Variants in ZNF831 observed in about 807,000 individuals in gnomAD.
The protein encoded by ZNF831 is chromosome 20 open reading frame 174.
A neutral mutation model predicts 95.8 loss-of-function variants in ZNF831; 59 were observed. The ratio of observed to expected loss-of-function variants is 0.62; its 90% CI spans 0.50 to 0.77. ZNF831 has a LOEUF of 0.77. Among genes scored for constraint, ZNF831 ranks in the 30% least tolerant of loss-of-function variants. The pLI is 0.00. For synonymous variants in ZNF831, 961 were observed against 925.5 expected, an observed-to-expected ratio of 1.04 and a Z score of -0.70; for missense variants, 2,205 against 2,164.0, an observed-to-expected ratio of 1.02 and a Z score of -0.38.
chr20:59,182,925 C>G (rs867520666), intron 1 of ZNF831, among the ~76,000 whole-genome samples: 1 of 152,194 alleles, frequency 6.6e-6, no homozygotes, highest in Non-Finnish European at 1.5e-5. Flanking sequence ...CTTCTAGAAT[C>G]TGACAAAAGT....
chr20:59,131,527 G>A (rs1380141705), intron 1 of ZNF831, among the ~76,000 whole-genome samples: 3 of 152,188 alleles, frequency 2.0e-5, no homozygotes, highest in South Asian at 2.1e-4. Context: ...TCTTGGCCTC[G>A]AGGGGTTTCT....
At chr20:59,240,573 G>T (rs1024770050) in intron 4 of ZNF831, among the ~76,000 whole-genome samples, 5 of 152,002 alleles carry the variant, frequency 3.3e-5, no homozygotes, top group African/African-American at 9.7e-5. Flanking sequence ...AGGCTGAGGC[G>T]GGCGGATCAC....
intron 4 of ZNF831, among the ~76,000 whole-genome samples, chr20:59,209,703 A>T (rs1342188462): frequency 6.6e-6 from 1 of 152,192 alleles, no homozygotes; most frequent in Non-Finnish European, 1.5e-5. Flanking sequence ...AGAGAGGCTG[A>T]TGCTCCCTCT....
intron 3 of ZNF831, among the ~76,000 whole-genome samples, chr20:59,198,261 C>G (rs988328803): frequency 6.6e-6 from 1 of 152,212 alleles, no homozygotes; most frequent in Non-Finnish European, 1.5e-5. Context: ...TAGGCCAGTG[C>G]TCTAAAACTT....
chr20:59,199,658 T>A (rs899364306), intron 3 of ZNF831, among the ~76,000 whole-genome samples: 3 of 152,204 alleles, frequency 2.0e-5, no homozygotes, highest in Non-Finnish European at 2.9e-5. Context: ...TCAGATTTTT[T>A]AAGTGATGAA....
At chr20:59,205,566 A>G (rs1274201963) in intron 3 of ZNF831, among the ~76,000 whole-genome samples, 1 of 152,224 alleles carries the variant, frequency 6.6e-6, no homozygotes, top group East Asian at 1.9e-4. Flanking sequence ...CCAAGAGGAT[A>G]CTGCATTCTG....
intron 4 of ZNF831, among the ~76,000 whole-genome samples, chr20:59,209,805 C>T (rs1005641556): frequency 1.3e-5 from 2 of 152,200 alleles, no homozygotes; most frequent in African/African-American, 2.4e-5. Flanking sequence ...GCCTCATCTA[C>T]GTCTTGTGGC....
At chr20:59,149,586 C>T (rs1296490917) in intron 2 of ZNF831, among the ~76,000 whole-genome samples, 2 of 152,222 alleles carry the variant, frequency 1.3e-5, no homozygotes, top group South Asian at 2.1e-4. Context: ...CAAAAAAAAT[C>T]GTGAAGGAAA....
chr20:59,141,486 G>A (rs778681677), intron 1 of ZNF831, among the ~76,000 whole-genome samples: 13 of 152,120 alleles, frequency 8.5e-5, no homozygotes, highest in South Asian at 6.2e-4. Flanking sequence ...TCCTTACTCC[G>A]TTAAAATTGC....
At chr20:59,252,005 G>A (rs913093933) in intron 4 of ZNF831, among the ~76,000 whole-genome samples, 1 of 152,178 alleles carries the variant, frequency 6.6e-6, no homozygotes, top group Non-Finnish European at 1.5e-5. Context: ...CTTGTGTGGG[G>A]GGTCATGAAG....
At position 59,193,705 on chromosome 20, in the gene ZNF831, A is replaced by G. The variant is rs1983820911; in HGVS notation, c.2686A>G (p.Arg896Gly). 1.2e-6 allele frequency: 2 copies of G among 1,612,718 alleles called. No homozygotes were observed. The highest frequency in any genetic ancestry group is 2.7e-5 in the African/African-American group (2 of 74,918). The change falls in exon 2 of 6, where the codon AGG (arginine) becomes GGG (glycine). Residue 896 changes from arginine to glycine, a missense_variant. Arg to Gly is a moderately radical substitution (Grantham distance 125). Transcript: ENST00000371030. ...SLAAASVALKRVGPRDKATPL... is the reference protein window; with the variant it reads ...SLAAASVALKGVGPRDKATPL... ...GGCTGCTGCTTCTGTTGCCCTGAAG[A>G]GGGTGGGGCCAAGGGACAAGGCTAC...
At chr20:59,178,550 G>T (rs1982350655) in intron 1 of ZNF831, among the ~76,000 whole-genome samples, 1 of 152,112 alleles carries the variant, frequency 6.6e-6, no homozygotes, top group African/African-American at 2.4e-5. Context: ...GGTCAGTGAT[G>T]GATACTATGC....
rs2146545457 is a variant in ZNF831, at chr20:59,191,286, C to A, written c.267C>A (p.Phe89Leu). The change falls in exon 2 of 6, where the codon TTC (phenylalanine) becomes TTA (leucine). Residue 89 changes from phenylalanine to leucine, a missense_variant. By Grantham distance (22) the Phe-to-Leu change is conservative. Coordinates refer to ENST00000371030, the MANE Select transcript of ZNF831 (RefSeq NM_178457.3). ...TGSLDGGNVP[F>L]ILSPVLQPEG... ...GCCTAGATGGGGGCAACGTGCCCTT[C>A]ATACTCAGCCCTGTGCTGCAGCCTG... The A allele has an allele frequency of 6.3e-7, 1 of 1,576,530 alleles. No homozygotes were observed. The highest frequency in any genetic ancestry group is 1.1e-5 in the South Asian group (1 of 87,158).
chr20:59,124,298 T>G (rs1233424950), intron 1 of ZNF831, among the ~76,000 whole-genome samples: 3 of 152,222 alleles, frequency 2.0e-5, no homozygotes, highest in Non-Finnish European at 4.4e-5. Context: ...TGGTCTCATC[T>G]GGCCTCATAT....
intron 2 of ZNF831, among the ~76,000 whole-genome samples, chr20:59,156,017 T>C (rs1980518942): frequency 6.6e-6 from 1 of 152,198 alleles, no homozygotes; most frequent in South Asian, 2.1e-4. Context: ...CTCCCCCTCA[T>C]GCTCAACCGA....
chr20:59,164,281 T>G (rs1981079746), intron 1 of ZNF831, among the ~76,000 whole-genome samples, 74 bp downstream of exon 1: 1 of 152,270 alleles, frequency 6.6e-6, no homozygotes, highest in Admixed American at 6.5e-5. Flanking sequence ...TCTATGTTCT[T>G]AATGATATAT....
intron 4 of ZNF831, among the ~76,000 whole-genome samples, chr20:59,243,479 T>G (rs1392898915): frequency 6.6e-6 from 1 of 152,210 alleles, no homozygotes; most frequent in Non-Finnish European, 1.5e-5. Context: ...CTGCCATAAG[T>G]AGACAGAGGG....
chr20:59,138,805 G>A (rs960516220), intron 1 of ZNF831, among the ~76,000 whole-genome samples: 2 of 152,164 alleles, frequency 1.3e-5, no homozygotes, highest in Non-Finnish European at 2.9e-5. Flanking sequence ...AGAAACAAAC[G>A]TTTATTGTTT....
chr20:59,194,735 G>T lies in ZNF831; in HGVS notation c.3716G>T (p.Gly1239Val). The change falls in exon 2 of 6, where the codon GGA becomes GTA. Residue 1239 changes from glycine (G) to valine (V), a missense_variant. Transcript: ENST00000371030. ...GGWTWTSPGE[G>V]GPAQMSKFSY... ...TGGACCTGGACAAGCCCTGGAGAAG[G>T]AGGGCCGGCGCAGATGTCCAAGGTA... 1 of 1,575,084 alleles carries T rather than the reference G, an allele frequency of 6.3e-7. No individual in the cohort carries two copies. Among genetic ancestry groups the T allele is most frequent in the Non-Finnish European group, 8.6e-7 (1 of 1,162,394 alleles).
Sources: allele counts gnomAD v4.1 joint callset (sites outside exome capture counted in the v4.1 genomes callset), GRCh38; gene constraint gnomAD v4.1.1; transcripts MANE v1.5; gene names NCBI Gene and HGNC (gene_info 2026-07-23, HGNC 2026-07-21).